Variants in CC2D2A observed in about 807,000 individuals in gnomAD.
CC2D2A encodes the protein coiled-coil and C2 domain-containing protein 2A.
A neutral mutation model predicts 212.9 loss-of-function variants in CC2D2A; 155 were observed. The ratio of observed to expected loss-of-function variants is 0.73; its 90% CI spans 0.64 to 0.83. The LOEUF is 0.83. Ranked by LOEUF, CC2D2A falls within the 40% of genes least tolerant of loss-of-function variation. The probability of loss-of-function intolerance (pLI) is 0.00; values close to 1 mark genes in which losing one functional copy is unlikely to be tolerated. For missense variants in CC2D2A, 1,856 were observed against 1,956.2 expected (o/e 0.95, Z 0.97); for synonymous variants, 667 against 686.5 (o/e 0.97, Z 0.44).
At chr4:15,478,122 A>C (rs1168616775) in intron 2 of CC2D2A, among the ~76,000 whole-genome samples, 8 of 152,216 alleles carry the variant, frequency 5.3e-5, no homozygotes, top group African/African-American at 1.9e-4. Context: ...ACATTTTATG[A>C]CTAAAATATT....
At chr4:15,505,178 A>T (rs1462803229) in intron 6 of CC2D2A, among the ~76,000 whole-genome samples, 1 of 152,218 alleles carries the variant, frequency 6.6e-6, no homozygotes, top group Admixed American at 6.5e-5. Context: ...AGAGAAAAGG[A>T]GAAACCAGTT....
At chr4:15,537,779 C>T (rs947563607) in intron 15 of CC2D2A, 120 bp from the exon 16 acceptor site, 2 of 1,056,520 alleles carry the variant, frequency 1.9e-6, no homozygotes, top group African/African-American at 3.2e-5. Context: ...TGCCTGATTA[C>T]ACACTTCTGG....
chr4:15,591,729 A>G (rs1043681441), intron 33 of CC2D2A, among the ~76,000 whole-genome samples: 1 of 152,194 alleles, frequency 6.6e-6, no homozygotes, highest in Non-Finnish European at 1.5e-5. Context: ...GCTAAGCCTC[A>G]TCTACATTTA....
intron 18 of CC2D2A, among the ~76,000 whole-genome samples, chr4:15,552,009 T>C (rs1160159166): frequency 1.3e-5 from 2 of 152,238 alleles, no homozygotes; most frequent in East Asian, 3.8e-4. Flanking sequence ...AAAATGGATC[T>C]ATTAATAGCT....
chr4:15,518,397 G>A (rs1717006106), intron 11 of CC2D2A, among the ~76,000 whole-genome samples: 1 of 152,246 alleles, frequency 6.6e-6, no homozygotes, highest in South Asian at 2.1e-4. Flanking sequence ...GCAGGGTACA[G>A]CCTCCCTCCT....
chr4:15,567,815 A>G (rs765108040), intron 26 of CC2D2A, 29 bp downstream of exon 26: 3 of 1,454,468 alleles, frequency 2.1e-6, no homozygotes, highest in East Asian at 2.4e-5. Flanking sequence ...TTAAAGAACT[A>G]TAGGACATTT....
intron 4 of CC2D2A, among the ~76,000 whole-genome samples, chr4:15,493,726 G>A (rs1179138088): frequency 6.6e-6 from 1 of 152,142 alleles, no homozygotes; most frequent in Non-Finnish European, 1.5e-5. Context: ...ATTCTCTATG[G>A]GGGTGGAGGC....
chr4:15,538,314 T>G (rs1718247504), intron 16 of CC2D2A, among the ~76,000 whole-genome samples, 177 bp downstream of exon 16: 1 of 152,216 alleles, frequency 6.6e-6, no homozygotes, highest in South Asian at 2.1e-4. Flanking sequence ...TGCTGACATT[T>G]GCCCACTTTA....
chr4:15,509,742 T>C (rs1716453289), intron 6 of CC2D2A, among the ~76,000 whole-genome samples: 1 of 152,222 alleles, frequency 6.6e-6, no homozygotes, highest in African/African-American at 2.4e-5. Flanking sequence ...ATTTTCGTCA[T>C]TGTGTGAACC....
intron 4 of CC2D2A, among the ~76,000 whole-genome samples, chr4:15,486,820 A>G (rs902068499): frequency 1.4e-4 from 22 of 151,966 alleles, no homozygotes; most frequent in African/African-American, 5.1e-4. Context: ...TGCTTTTGCT[A>G]TACCCTATAG....
intron 29 of CC2D2A, among the ~76,000 whole-genome samples, chr4:15,578,314 C>T (rs538409098): frequency 6.6e-6 from 1 of 152,188 alleles, no homozygotes; most frequent in Admixed American, 6.5e-5. Context: ...AACCACTACT[C>T]CAACTTCTTA....
chr4:15,474,631 G>A (rs1384308364), intron 1 of CC2D2A, among the ~76,000 whole-genome samples: 2 of 152,038 alleles, frequency 1.3e-5, no homozygotes, highest in Non-Finnish European at 2.9e-5. Flanking sequence ...ATGATTGAGG[G>A]GATAGACACC....
intron 1 of CC2D2A, among the ~76,000 whole-genome samples, chr4:15,473,937 G>T (rs1714001598): frequency 6.6e-6 from 1 of 152,144 alleles, no homozygotes; most frequent in Non-Finnish European, 1.5e-5. Context: ...TAAAAGCAAA[G>T]AACTTTATTT....
In CC2D2A at chr4:15,536,971, AG is replaced by A; in HGVS notation, c.1660del (p.Ala554LeufsTer3). On this transcript the variant is annotated frameshift_variant, in exon 15 of 37. Coordinates refer to ENST00000424120, the MANE Select transcript of CC2D2A (RefSeq NM_001378615.1). LOFTEE classifies it high-confidence loss of function. ...AAGAAGCATATGAAGCAGAAATTCA[AG>A]CTGAAATAAGTGAACTGTTAGAAGA... Reference protein sequence around the residue: ...DEEAYEAEIQAEISELLEEHT... With the variant: ...DEEAYEAEIQXEISELLEEHT... 1 of 1,613,918 alleles carries A rather than the reference AG, an allele frequency of 6.2e-7. No individual in the cohort carries two copies.
chr4:15,500,107 G>GTGTGTGTGTGTATATATATATATA (rs1479141284), intron 4 of CC2D2A, among the ~76,000 whole-genome samples: 1 of 112,932 alleles, frequency 8.9e-6, no homozygotes, highest in Non-Finnish European at 1.8e-5. Context: ...GTGTGTGTGT[G>GTGTGTGTGTGTATATATATATATA]TATATATATA....
chr4:15,526,618 A>C (rs1159565910), intron 11 of CC2D2A, among the ~76,000 whole-genome samples: 2 of 152,208 alleles, frequency 1.3e-5, no homozygotes, highest in Non-Finnish European at 1.5e-5. Flanking sequence ...TAAATAGCTC[A>C]TCTCTGCAAA....
chr4:15,557,169 T>G, intron 20 of CC2D2A, 135 bp from the exon 21 acceptor site: 1 of 573,670 alleles, frequency 1.7e-6, no homozygotes. Flanking sequence ...GACTCATTAT[T>G]ATTATATTTT....
chr4:15,502,545 TCAGTGC>T lies in CC2D2A; in HGVS notation c.336+29_336+34del, dbSNP rs751191380. ...GAGAGAAACCACATGAATATTCTGT[TCAGTGC>T]TGATTGCAATCTTCCAGGGCTTGTC... On this transcript the variant is annotated intron_variant, in intron 5 of 36. Coordinates refer to ENST00000424120, the MANE Select transcript of CC2D2A (RefSeq NM_001378615.1). The T allele has an allele frequency of 5.1e-6, 8 of 1,557,544 alleles. No individual in the cohort carries two copies. The African/African-American group carries it at 9.6e-5, about 19-fold the overall frequency.
Position 15,597,429 on chromosome 4 carries a change from G to A in CC2D2A, c.4460G>A (p.Arg1487His), listed in dbSNP as rs971832306. 4.2e-5 allele frequency: 65 copies of A among 1,552,668 alleles called. No homozygotes were observed. Among genetic ancestry groups the A allele is most frequent in the Admixed American group, 9.8e-5 (5 of 51,136 alleles). The change falls in exon 35 of 37, where the codon CGC becomes CAC. Residue 1487 changes from arginine to histidine, a missense_variant. Physicochemically the swap from Arg to His is conservative, Grantham distance 29. Around this residue, in one of 5 missense-constraint regions of CC2D2A, gnomAD observed 285 missense variants for 278.4 expected, o/e 1.02. Coordinates refer to ENST00000424120, the MANE Select transcript of CC2D2A (RefSeq NM_001378615.1). Reference sequence around the variant, plus strand: ...TAGCCTGAAGAGCTAATTTACCAGCGCTCAGACAAAGCAGCTGCAGCTGAG... The same window carrying A: ...TAGCCTGAAGAGCTAATTTACCAGCACTCAGACAAAGCAGCTGCAGCTGAG... ...SVQPEELIYQ[R>H]SDKAAAAELQ...
Sources: allele counts gnomAD v4.1 joint callset (sites outside exome capture counted in the v4.1 genomes callset), GRCh38; gene constraint gnomAD v4.1.1; regional missense constraint gnomAD v4.1.1; transcripts MANE v1.5; gene names NCBI Gene and HGNC (gene_info 2026-07-23, HGNC 2026-07-21).